The following CDH18 variants were observed in gnomAD, a reference collection of about 807,000 sequenced individuals.
CDH18 encodes cadherin 18.
Under a neutral mutation model 67.9 loss-of-function variants are expected in CDH18, and 31 were observed. The ratio of observed to expected loss-of-function variants is 0.46; its 90% confidence interval spans 0.34 to 0.62. The LOEUF (loss-of-function observed/expected upper bound fraction) is 0.62, where lower values mean the gene tolerates loss of function less well. Among genes scored for constraint, CDH18 ranks in the 20% least tolerant of loss-of-function variants. The pLI is 0.01. For missense variants in CDH18, 890 were observed against 975.5 expected, an observed-to-expected ratio of 0.91 and a Z score of 1.17; for synonymous variants, 362 against 347.2, an observed-to-expected ratio of 1.04 and a Z score of -0.48.
At chr5:19,594,291 A>T (rs1408900412) in intron 6 of CDH18, among the ~76,000 whole-genome samples, 1 of 152,042 alleles carries the variant, frequency 6.6e-6, no homozygotes, top group East Asian at 1.9e-4. Flanking sequence ...AGCTGTGATT[A>T]CAGGCCCGCA....
chr5:20,026,601 T>C (rs962811709), intron 2 of CDH18, among the ~76,000 whole-genome samples: 45 of 152,228 alleles, frequency 3.0e-4, no homozygotes, highest in African/African-American at 1.0e-3. Context: ...ATCAAGCATA[T>C]GTTTAATGAC....
intron 1 of CDH18, among the ~76,000 whole-genome samples, chr5:20,398,058 C>T (rs967116802): frequency 1.3e-5 from 2 of 152,146 alleles, no homozygotes; most frequent in Non-Finnish European, 2.9e-5. Flanking sequence ...TGCTTATAGG[C>T]TACCACACCA....
At chr5:19,574,040 C>G (rs1741893294) in intron 7 of CDH18, among the ~76,000 whole-genome samples, 1 of 152,132 alleles carries the variant, frequency 6.6e-6, no homozygotes, top group Non-Finnish European at 1.5e-5. Context: ...CAATCACCTC[C>G]ACTTATTTAT....
At chr5:20,036,867 A>G (rs916086331) in intron 2 of CDH18, among the ~76,000 whole-genome samples, 5 of 151,994 alleles carry the variant, frequency 3.3e-5, no homozygotes, top group Admixed American at 2.0e-4. Flanking sequence ...CCATTATGTA[A>G]TGCCCTTCTT....
At chr5:20,117,024 T>TGTGA (rs202117088) in intron 2 of CDH18, among the ~76,000 whole-genome samples, 18,630 of 149,404 alleles carry the variant, frequency 0.12, 1,785 homozygotes, top group African/African-American at 0.29. Context: ...TGTGTGTGTG[T>TGTGA]GTGTGAGTGT....
chr5:20,395,189 G>GT (rs1423416336), intron 1 of CDH18, among the ~76,000 whole-genome samples: 1 of 152,040 alleles, frequency 6.6e-6, no homozygotes, highest in Non-Finnish European at 1.5e-5. Flanking sequence ...TGCAACCAAC[G>GT]TAAGTGGCCA....
intron 1 of CDH18, among the ~76,000 whole-genome samples, chr5:20,420,778 C>A (rs1747799775): frequency 6.6e-6 from 1 of 151,206 alleles, no homozygotes; most frequent in Non-Finnish European, 1.5e-5. Flanking sequence ...TTTATTGCCT[C>A]TTTCGAATGC....
intron 4 of CDH18, among the ~76,000 whole-genome samples, chr5:19,735,646 C>T (rs1018230069): frequency 4.0e-5 from 6 of 151,510 alleles, no homozygotes; most frequent in Non-Finnish European, 7.4e-5. Flanking sequence ...CCTCCCGCCT[C>T]GGCCTCCCAA....
chr5:20,020,833 C>T (rs1386865233), intron 2 of CDH18, among the ~76,000 whole-genome samples: 1 of 152,160 alleles, frequency 6.6e-6, no homozygotes, highest in Non-Finnish European at 1.5e-5. Context: ...CCCACTGGAG[C>T]ACTGCCTAGT....
At chr5:20,418,171 G>T (rs1696127672) in intron 1 of CDH18, among the ~76,000 whole-genome samples, 1 of 150,350 alleles carries the variant, frequency 6.7e-6, no homozygotes, top group Non-Finnish European at 1.5e-5. Flanking sequence ...CGCCGCTGGG[G>T]TTCCAGGAAT....
chr5:20,029,891 A>G (rs528819128), intron 2 of CDH18, among the ~76,000 whole-genome samples: 1 of 152,294 alleles, frequency 6.6e-6, no homozygotes, highest in Non-Finnish European at 1.5e-5. Flanking sequence ...GGTGTTTGCT[A>G]TTCTGAGTTC....
At chr5:20,514,999 G>A (rs913556875) in intron 1 of CDH18, among the ~76,000 whole-genome samples, 1 of 151,480 alleles carries the variant, frequency 6.6e-6, no homozygotes, top group Non-Finnish European at 1.5e-5. Flanking sequence ...TATTCATGCT[G>A]GGGAGTAAAA....
At chr5:19,873,130 C>G (rs1786511681) in intron 2 of CDH18, among the ~76,000 whole-genome samples, 1 of 150,682 alleles carries the variant, frequency 6.6e-6, no homozygotes, top group South Asian at 2.1e-4. Context: ...ACCATGGTAC[C>G]TTGTGGGAAA....
intron 2 of CDH18, among the ~76,000 whole-genome samples, chr5:20,241,180 C>T (rs1197783003): frequency 6.6e-6 from 1 of 152,064 alleles, no homozygotes; most frequent in Non-Finnish European, 1.5e-5. Context: ...TCAAGTATTA[C>T]GTTATTAACT....
intron 2 of CDH18, among the ~76,000 whole-genome samples, chr5:20,056,450 TATTATTTTTCTTTATTTTCTTTCTTTTG>T (rs1741945568): frequency 1.4e-5 from 2 of 146,782 alleles, no homozygotes; most frequent in Admixed American, 6.8e-5. Context: ...TTTATTTTTT[TATTATTTTTCTTTATTTTCTTTCTTTTG>T]TTTTTTTTTT....
intron 2 of CDH18, among the ~76,000 whole-genome samples, chr5:20,071,299 T>A (rs1743460173): frequency 6.6e-6 from 1 of 152,090 alleles, no homozygotes; most frequent in South Asian, 2.1e-4. Flanking sequence ...AGAAATGTGA[T>A]GCTATATCCT....
In CDH18 at chr5:20,188,848, CA is replaced by C. The variant is rs11390844; in HGVS notation, c.-518+66595del. Among the ~76,000 whole-genome samples the C allele has an allele frequency of 1.2e-3, 145 of 125,144 alleles. 1 individual carries two copies. The highest frequency in any genetic ancestry group is 1.2e-3 in the Non-Finnish European group (75 of 60,650). 82.1% of individuals were successfully genotyped at this position (125,144 alleles called of 152,430 possible). A position where few individuals can be genotyped will look rare whatever the true frequency, so the allele number is the denominator to read the frequency against. ...AAAGTCCCTTAACTTATTTTCTAGG[CA>C]AAAAAAAAAAAAAATCCACTCTCTC... On this transcript the variant is annotated intron_variant, in intron 2 of 14. Transcript: ENST00000507958.
chr5:20,030,313 T>C (rs1329296505), intron 2 of CDH18, among the ~76,000 whole-genome samples: 3 of 152,186 alleles, frequency 2.0e-5, no homozygotes, highest in Non-Finnish European at 2.9e-5. Flanking sequence ...TTGCCATATA[T>C]AGTGTTTAGC....
At chr5:19,813,862 G>A (rs919014220) in intron 3 of CDH18, among the ~76,000 whole-genome samples, 3 of 151,934 alleles carry the variant, frequency 2.0e-5, no homozygotes, top group Admixed American at 2.0e-4. Flanking sequence ...ATCAAATGTG[G>A]AAAAATCTAT....
Sources: gnomAD v4.1 joint callset for allele counts (sites outside exome capture counted in the v4.1 genomes callset) on GRCh38, gnomAD v4.1.1 for gene constraint, MANE v1.5 for transcripts, NCBI Gene and HGNC (gene_info 2026-07-23, HGNC 2026-07-21) for gene names.